The following CNBD1 variants were observed in gnomAD, a reference collection of about 807,000 sequenced individuals.
CNBD1 encodes the protein cyclic nucleotide-binding domain-containing protein 1.
In CNBD1, 71 loss-of-function variants were observed where a neutral mutation model predicts 54.4. The observed-to-expected ratio is 1.30, with a 90% CI of 1.08 to 1.59. CNBD1 has a LOEUF of 1.59. Among genes scored for constraint, CNBD1 ranks in the 40% most tolerant of loss-of-function variants. CNBD1 has a pLI of 0.00. For missense variants in CNBD1, 659 were observed against 518.0 expected, an observed-to-expected ratio of 1.27 and a Z score of -2.64; for synonymous variants, 182 against 170.7, an observed-to-expected ratio of 1.07 and a Z score of -0.51.
chr8:87,056,017 C>G (rs1041400027), intron 4 of CNBD1, among the ~76,000 whole-genome samples: 1 of 151,804 alleles, frequency 6.6e-6, no homozygotes, highest in African/African-American at 2.4e-5. Context: ...GGAGCACTTA[C>G]TATGAGCCAG....
chr8:87,349,329 A>G (rs1389620463), intron 8 of CNBD1, among the ~76,000 whole-genome samples: 1 of 152,190 alleles, frequency 6.6e-6, no homozygotes. Context: ...TTCTGTTTCT[A>G]GTCCAAAATA....
rs151098669 is a variant in CNBD1, at chr8:87,052,448, T to C, written c.431+112694T>C. On this transcript the variant is annotated intron_variant, in intron 4 of 10. Transcript: ENST00000518476. ...TCTATCATAGATAGCTTAGAGTAGT[T>C]AAGCGATTTGGCCCTGATCCTTTAT... Among the ~76,000 whole-genome samples the C allele has an allele frequency of 3.0e-4, 46 of 152,348 alleles. No individual in the cohort carries two copies. In the East Asian group the frequency reaches 8.5e-3, roughly 28 times the overall value.
At chr8:86,948,779 T>C (rs1807532716) in intron 4 of CNBD1, among the ~76,000 whole-genome samples, 1 of 152,192 alleles carries the variant, frequency 6.6e-6, no homozygotes, top group South Asian at 2.1e-4. Context: ...ATCTCATTTG[T>C]CCATTTTTGC....
chr8:87,339,764 AT>A (rs1198960108), intron 8 of CNBD1, among the ~76,000 whole-genome samples: 1 of 152,106 alleles, frequency 6.6e-6, no homozygotes, highest in Non-Finnish European at 1.5e-5. Flanking sequence ...ACTGATAACA[AT>A]TTAAGTGCAA....
chr8:87,324,384 G>C (rs1214265433), intron 8 of CNBD1, among the ~76,000 whole-genome samples: 1 of 127,456 alleles, frequency 7.8e-6, no homozygotes, highest in East Asian at 2.0e-4. Flanking sequence ...AATGGTACCA[G>C]TTCCTCCTTG....
At chr8:87,187,174 A>G (rs1813497748) in intron 4 of CNBD1, among the ~76,000 whole-genome samples, 1 of 149,218 alleles carries the variant, frequency 6.7e-6, no homozygotes, top group Non-Finnish European at 1.5e-5. Flanking sequence ...AGATTTATAT[A>G]GCTATATCTC....
intron 4 of CNBD1, among the ~76,000 whole-genome samples, chr8:86,946,179 A>G (rs1410518942): frequency 6.6e-6 from 1 of 152,184 alleles, no homozygotes; most frequent in Non-Finnish European, 1.5e-5. Flanking sequence ...GTTGAATTAT[A>G]AAGGGGTTCC....
intron 4 of CNBD1, among the ~76,000 whole-genome samples, chr8:87,148,718 G>T (rs956298351): frequency 1.3e-5 from 2 of 152,230 alleles, no homozygotes; most frequent in Admixed American, 6.5e-5. Context: ...GAGGGATCTG[G>T]ATCCAACTCA....
intron 8 of CNBD1, among the ~76,000 whole-genome samples, chr8:87,343,507 C>T (rs1810110271): frequency 1.3e-5 from 2 of 152,168 alleles, no homozygotes; most frequent in Admixed American, 1.3e-4. Context: ...TTCGGGGTCC[C>T]TGACTTCCCG....
At chr8:87,184,692 G>A (rs747031653) in intron 4 of CNBD1, among the ~76,000 whole-genome samples, 10 of 152,040 alleles carry the variant, frequency 6.6e-5, no homozygotes, top group Non-Finnish European at 1.0e-4. Flanking sequence ...CTGGTGCTTG[G>A]CAACCTAACT....
chr8:86,976,858 A>T (rs1293567036), intron 4 of CNBD1, among the ~76,000 whole-genome samples: 1 of 151,904 alleles, frequency 6.6e-6, no homozygotes, highest in Admixed American at 6.6e-5. Flanking sequence ...AATGATACTG[A>T]TTGCTTTATG....
chr8:87,343,340 C>T (rs984371015), intron 8 of CNBD1, among the ~76,000 whole-genome samples: 2 of 152,080 alleles, frequency 1.3e-5, no homozygotes, highest in African/African-American at 4.8e-5. Flanking sequence ...TCACAGGGTC[C>T]TGAGGTGACA....
In CNBD1 at chr8:87,070,799, A is replaced by C. The variant is rs186693000; in HGVS notation, c.431+131045A>C. Among the ~76,000 whole-genome samples, 787 of 152,136 alleles carry C rather than the reference A, an allele frequency of 5.2e-3. 4 individuals carry two copies. Among genetic ancestry groups the C allele is most frequent in the Non-Finnish European group, 9.1e-3 (621 of 67,916 alleles). On this transcript the variant is annotated intron_variant, in intron 4 of 10. Coordinates refer to ENST00000518476, the MANE Select transcript of CNBD1 (RefSeq NM_173538.3). Reference sequence around the variant, plus strand: ...AGCAGTAAATATTTGTTAAGTAGCTACTATGTACCCCTAGGCACCAGCAGT... The same window carrying C: ...AGCAGTAAATATTTGTTAAGTAGCTCCTATGTACCCCTAGGCACCAGCAGT...
At chr8:87,395,866 C>T (rs1355724658) in intron 2 of CNBD1, among the ~76,000 whole-genome samples, 1 of 151,818 alleles carries the variant, frequency 6.6e-6, no homozygotes, top group East Asian at 1.9e-4. Flanking sequence ...TGAGTGAGTT[C>T]TCACAGGATC....
chr8:87,134,727 C>T (rs1162963866), intron 4 of CNBD1, among the ~76,000 whole-genome samples: 3 of 150,908 alleles, frequency 2.0e-5, no homozygotes, highest in Non-Finnish European at 3.0e-5. Flanking sequence ...CTCAGCCTCC[C>T]GAGTAGCTGG....
At chr8:87,186,850 T>C (rs921297854) in intron 4 of CNBD1, among the ~76,000 whole-genome samples, 1 of 151,994 alleles carries the variant, frequency 6.6e-6, no homozygotes, top group South Asian at 2.1e-4. Flanking sequence ...GAAGCAAAAG[T>C]TATGGACAAA....
At chr8:86,995,631 C>T (rs1808853812) in intron 4 of CNBD1, among the ~76,000 whole-genome samples, 1 of 151,882 alleles carries the variant, frequency 6.6e-6, no homozygotes, top group Non-Finnish European at 1.5e-5. Flanking sequence ...AGGGAATATA[C>T]TATTATTGCT....
At chr8:87,404,528 G>C (rs950713328) in intron 2 of CNBD1, among the ~76,000 whole-genome samples, 16 of 151,980 alleles carry the variant, frequency 1.1e-4, no homozygotes, top group African/African-American at 3.4e-4. Context: ...TATTTTTCTT[G>C]CTGCAAATTC....
chr8:87,174,066 C>T (rs983616487), intron 4 of CNBD1, among the ~76,000 whole-genome samples: 2 of 152,096 alleles, frequency 1.3e-5, no homozygotes, highest in African/African-American at 2.4e-5. Flanking sequence ...TCAAGCAATT[C>T]TCCTGCCTCA....
Sources: allele counts gnomAD v4.1 joint callset (sites outside exome capture counted in the v4.1 genomes callset), GRCh38; gene constraint gnomAD v4.1.1; transcripts MANE v1.5; gene names NCBI Gene and HGNC (gene_info 2026-07-23, HGNC 2026-07-21).